Variants in PIK3C2G observed in about 807,000 individuals in gnomAD.
PIK3C2G encodes the protein phosphatidylinositol 3-kinase C2 domain-containing subunit gamma.
PIK3C2G carries 168 observed loss-of-function variants against 181.1 expected under a neutral mutation model. The observed-to-expected ratio is 0.93, with a 90% confidence interval of 0.82 to 1.05. The LOEUF is 1.05. PIK3C2G is among the 50% of genes least tolerant of loss of function. The pLI is 0.00. For missense variants in PIK3C2G, 1,869 were observed against 1,732.8 expected (o/e 1.08, Z -1.40); for synonymous variants, 573 against 592.2 (o/e 0.97, Z 0.47).
chr12:18,395,319 T>A (rs1404406285), intron 15 of PIK3C2G, among the ~76,000 whole-genome samples: 3 of 145,588 alleles, frequency 2.1e-5, no homozygotes, highest in Non-Finnish European at 4.5e-5. Context: ...AATACAGGCC[T>A]CTCATCAAAA....
the PIK3C2G span, among the ~76,000 whole-genome samples, chr12:18,672,309 C>T: frequency 6.6e-6 from 1 of 151,976 alleles, no homozygotes; most frequent in African/African-American, 2.4e-5. Context: ...GTCGTCATTG[C>T]TCATCTAGAA....
chr12:18,302,142 G>A (rs1173750817), intron 5 of PIK3C2G, among the ~76,000 whole-genome samples: 2 of 152,174 alleles, frequency 1.3e-5, no homozygotes. Context: ...GGTAGCCTAT[G>A]TGGGCACTGG....
chr12:18,584,953 A>C (rs1374065003), intron 29 of PIK3C2G, among the ~76,000 whole-genome samples: 1 of 152,198 alleles, frequency 6.6e-6, no homozygotes, highest in African/African-American at 2.4e-5. Context: ...AAGCTTTCTC[A>C]GTGAAGGAGA....
At chr12:18,425,552 T>C (rs1592228486) in intron 18 of PIK3C2G, among the ~76,000 whole-genome samples, 1 of 151,842 alleles carries the variant, frequency 6.6e-6, no homozygotes, top group South Asian at 2.1e-4. Context: ...CCACCACGCC[T>C]GGCTAATTTT....
At chr12:18,606,679 TAC>T (rs1258690486) in intron 30 of PIK3C2G, among the ~76,000 whole-genome samples, 1 of 152,122 alleles carries the variant, frequency 6.6e-6, no homozygotes, top group Admixed American at 6.6e-5. Context: ...CAGGTGTAAC[TAC>T]ACTGCTCAGG....
intron 17 of PIK3C2G, among the ~76,000 whole-genome samples, chr12:18,423,246 A>G (rs1475614647): frequency 1.3e-5 from 2 of 151,894 alleles, no homozygotes; most frequent in Non-Finnish European, 2.9e-5. Context: ...GGGCATTTTT[A>G]TGAGAACTGG....
intron 24 of PIK3C2G, among the ~76,000 whole-genome samples, chr12:18,534,630 CTA>C (rs1289635528): frequency 6.6e-6 from 1 of 150,408 alleles, no homozygotes; most frequent in African/African-American, 2.4e-5. Context: ...GATGTTAAGA[CTA>C]TATAAAAGGA....
chr12:18,519,683 G>T (rs1942784357), intron 24 of PIK3C2G, among the ~76,000 whole-genome samples: 1 of 152,044 alleles, frequency 6.6e-6, no homozygotes, highest in Admixed American at 6.6e-5. Flanking sequence ...TTGTCAGTGT[G>T]TGTCTTTTAG....
intron 18 of PIK3C2G, among the ~76,000 whole-genome samples, chr12:18,432,696 T>C (rs189214906): frequency 1.1e-4 from 16 of 152,348 alleles, no homozygotes; most frequent in Admixed American, 9.8e-4. Flanking sequence ...CCAAAAGGAA[T>C]ACACTAACAG....
At chr12:18,724,031 A>C in the PIK3C2G span, among the ~76,000 whole-genome samples, 1 of 152,124 alleles carries the variant, frequency 6.6e-6, no homozygotes, top group Non-Finnish European at 1.5e-5. Context: ...TACAAACAAG[A>C]TGAGTTCCAA....
At chr12:18,559,032 C>T (rs1945155884) in intron 26 of PIK3C2G, among the ~76,000 whole-genome samples, 1 of 152,130 alleles carries the variant, frequency 6.6e-6, no homozygotes, top group African/African-American at 2.4e-5. Context: ...TGTATGTTTG[C>T]ATGTCTCTGT....
chr12:18,392,502 G>A (rs1943597961), intron 15 of PIK3C2G, among the ~76,000 whole-genome samples: 1 of 151,958 alleles, frequency 6.6e-6, no homozygotes, highest in African/African-American at 2.4e-5. Context: ...CTTTTTATTT[G>A]ATATTCCCTC....
At chr12:18,418,557 A>G (rs1945304052) in intron 16 of PIK3C2G, among the ~76,000 whole-genome samples, 1 of 152,146 alleles carries the variant, frequency 6.6e-6, no homozygotes, top group Non-Finnish European at 1.5e-5. Context: ...AGTTTAAGGG[A>G]TTTGATAAGG....
At position 18,315,029 on chromosome 12, in the gene PIK3C2G, T is replaced by C. The variant is rs372994350; in HGVS notation, c.1137+965T>C. 7.2e-5 allele frequency among the ~76,000 whole-genome samples: 11 copies of C among 152,306 alleles called. 1 individual carries two copies. The highest frequency in any genetic ancestry group is 2.4e-4 in the African/African-American group (10 of 41,566). ...CAAACTGCACAGTATGCAGTGAACT[T>C]TGGTATTATGGCAGTTTTTATCTGT... On this transcript the variant is annotated intron_variant, in intron 6 of 32. Transcript: ENST00000538779.
the PIK3C2G span, chr12:18,683,405 C>T: frequency 1.3e-6 from 2 of 1,490,102 alleles, no homozygotes; most frequent in Non-Finnish European, 1.9e-6. Flanking sequence ...GAAACAAGAG[C>T]TCTTTACTAA....
intron 26 of PIK3C2G, among the ~76,000 whole-genome samples, chr12:18,556,399 C>A (rs1047861293): frequency 7.2e-5 from 11 of 152,198 alleles, no homozygotes; most frequent in Middle Eastern, 3.4e-3. Context: ...AGTCTGCCCC[C>A]AAACCATGGG....
At chr12:18,719,760 A>G in the PIK3C2G span, 41 of 565,478 alleles carry the variant, frequency 7.3e-5, no homozygotes, top group Non-Finnish European at 1.0e-4. Context: ...TAGAATTAAT[A>G]TTAATACTAT....
At chr12:18,695,520 C>G in the PIK3C2G span, among the ~76,000 whole-genome samples, 1 of 152,088 alleles carries the variant, frequency 6.6e-6, no homozygotes, top group African/African-American at 2.4e-5. Context: ...ATTGTCGTTA[C>G]AATATGGAAG....
intron 1 of PIK3C2G, among the ~76,000 whole-genome samples, chr12:18,252,436 C>T (rs1948104337): frequency 6.6e-6 from 1 of 152,118 alleles, no homozygotes; most frequent in Non-Finnish European, 1.5e-5. Context: ...TATCACAAGG[C>T]TCATAGCTAA....
Sources: gnomAD v4.1 joint callset for allele counts (sites outside exome capture counted in the v4.1 genomes callset) on GRCh38, gnomAD v4.1.1 for gene constraint, MANE v1.5 for transcripts, NCBI Gene and HGNC (gene_info 2026-07-23, HGNC 2026-07-21) for gene names.